SEMA3C: variants seen among roughly 807,000 people sequenced by gnomAD.
The protein encoded by SEMA3C is semaphorin 3C.
SEMA3C carries 47 observed loss-of-function variants against 89.4 expected under a neutral mutation model. That is an observed-to-expected ratio of 0.53 (90% CI 0.42 to 0.67). The LOEUF is 0.67. Ranked by LOEUF, SEMA3C falls within the 30% of genes least tolerant of loss-of-function variation. The pLI, the probability that SEMA3C is intolerant of heterozygous loss-of-function variation, is 0.00. For synonymous variants in SEMA3C, 310 were observed against 320.2 expected (o/e 0.97, Z 0.34); for missense variants, 839 against 929.1 (o/e 0.90, Z 1.26).
chr7:80,789,645 G>T, intron 11 of SEMA3C, 117 bp from the exon 12 acceptor site: 1 of 672,186 alleles, frequency 1.5e-6, no homozygotes, highest in Non-Finnish European at 2.5e-6. Context: ...AAGTATATCT[G>T]CTACCTATGG....
intron 2 of SEMA3C, among the ~76,000 whole-genome samples, chr7:80,873,333 T>A (rs1378068056): frequency 6.6e-6 from 1 of 152,188 alleles, no homozygotes; most frequent in Non-Finnish European, 1.5e-5. Context: ...AATCTGGACA[T>A]CTGTCTTGCA....
chr7:80,765,139 G>A lies in SEMA3C; in HGVS notation c.1443+16C>T, dbSNP rs1368136161. ...CATCATGCATGTTCTGAGATTAATA[G>A]AAGAGATGTTCAAACCTTAAAGACT... On this transcript the variant is annotated intron_variant, in intron 13 of 17. Coordinates refer to ENST00000265361, the MANE Select transcript of SEMA3C (RefSeq NM_006379.5). The A allele has an allele frequency of 6.3e-7, 1 of 1,578,124 alleles. No homozygotes were observed. Among genetic ancestry groups the A allele is most frequent in the Admixed American group, 1.7e-5 (1 of 58,928 alleles).
At chr7:80,861,648 T>C (rs1790773913) in intron 2 of SEMA3C, among the ~76,000 whole-genome samples, 1 of 152,192 alleles carries the variant, frequency 6.6e-6, no homozygotes, top group African/African-American at 2.4e-5. Context: ...GCAACTATGA[T>C]TTAAATTGCA....
At chr7:80,896,161 A>G (rs1262352989) in intron 2 of SEMA3C, among the ~76,000 whole-genome samples, 2 of 152,148 alleles carry the variant, frequency 1.3e-5, no homozygotes. Flanking sequence ...GATTTCCCCA[A>G]AATAATCAAT....
Position 80,810,596 on chromosome 7 carries a change from T to G in SEMA3C, c.538+15A>C. On this transcript the variant is annotated intron_variant, in intron 6 of 17. Coordinates refer to ENST00000265361, the MANE Select transcript of SEMA3C (RefSeq NM_006379.5). ...TATTTTATGTTTAATCCTCCCTCTTTCGTTGTCTACTTACTGATCATAACA... is the reference window on the plus strand; with the variant it reads ...TATTTTATGTTTAATCCTCCCTCTTGCGTTGTCTACTTACTGATCATAACA... 1.2e-6 allele frequency: 2 copies of G among 1,604,602 alleles called. No homozygotes were observed. Among genetic ancestry groups the G allele is most frequent in the Non-Finnish European group, 1.7e-6 (2 of 1,172,374 alleles).
chr7:80,836,200 G>A (rs1195565689), intron 2 of SEMA3C, among the ~76,000 whole-genome samples: 2 of 152,160 alleles, frequency 1.3e-5, no homozygotes, highest in African/African-American at 4.8e-5. Context: ...AAAGGTGTGA[G>A]AGGCAGCATG....
chr7:80,796,074 T>G (rs527385572), intron 11 of SEMA3C, among the ~76,000 whole-genome samples: 12 of 152,274 alleles, frequency 7.9e-5, no homozygotes, highest in Non-Finnish European at 1.6e-4. Flanking sequence ...AACAGAATTT[T>G]GTTTAGTTTG....
intron 8 of SEMA3C, among the ~76,000 whole-genome samples, chr7:80,803,205 C>T (rs1455080698): frequency 6.6e-6 from 1 of 151,998 alleles, no homozygotes; most frequent in East Asian, 1.9e-4. Flanking sequence ...ACAAAATGGT[C>T]CCCAACAGTT....
chr7:80,872,537 C>T (rs1791086940), intron 2 of SEMA3C, among the ~76,000 whole-genome samples: 1 of 151,980 alleles, frequency 6.6e-6, no homozygotes, highest in Admixed American at 6.6e-5. Flanking sequence ...GGCGTGGTGG[C>T]TTACGCCTGT....
intron 13 of SEMA3C, among the ~76,000 whole-genome samples, chr7:80,763,451 CAG>C (rs757625818): frequency 1.2e-4 from 19 of 152,176 alleles, no homozygotes; most frequent in Non-Finnish European, 2.4e-4. Context: ...TAAGAAAACT[CAG>C]ACTTTTTTTG....
At chr7:80,818,674 C>G (rs1166234087) in intron 4 of SEMA3C, among the ~76,000 whole-genome samples, 1 of 151,976 alleles carries the variant, frequency 6.6e-6, no homozygotes, top group Non-Finnish European at 1.5e-5. Flanking sequence ...AATAAAAATC[C>G]CCCCAAAAAT....
At chr7:80,862,661 T>C (rs761699639) in intron 2 of SEMA3C, among the ~76,000 whole-genome samples, 3 of 151,860 alleles carry the variant, frequency 2.0e-5, no homozygotes, top group East Asian at 1.9e-4. Context: ...AAAGAACAAA[T>C]CTTGAGGAAT....
intron 2 of SEMA3C, among the ~76,000 whole-genome samples, chr7:80,881,861 G>T (rs1299461770): frequency 6.6e-6 from 1 of 152,144 alleles, no homozygotes; most frequent in Non-Finnish European, 1.5e-5. Flanking sequence ...CTTGCTGAGT[G>T]TCATAAAAGG....
intron 2 of SEMA3C, chr7:80,905,982 C>T (rs1792005806): frequency 2.1e-6 from 2 of 966,712 alleles, no homozygotes; most frequent in Non-Finnish European, 2.9e-6. Context: ...ATAATAAAAC[C>T]TCTTTGTAAG....
intron 17 of SEMA3C, among the ~76,000 whole-genome samples, chr7:80,747,867 G>A (rs139557848): frequency 4.6e-5 from 7 of 152,198 alleles, no homozygotes; most frequent in African/African-American, 1.7e-4. Context: ...TTCCAGTAAT[G>A]AGGGACACAC....
chr7:80,838,168 G>T (rs559584609), intron 2 of SEMA3C, among the ~76,000 whole-genome samples: 2 of 152,008 alleles, frequency 1.3e-5, no homozygotes, highest in Non-Finnish European at 2.9e-5. Context: ...GCTGGGGAAG[G>T]CAAAAGGCTT....
intron 2 of SEMA3C, among the ~76,000 whole-genome samples, chr7:80,875,836 G>A (rs540986030): frequency 6.6e-5 from 10 of 151,674 alleles, no homozygotes; most frequent in South Asian, 6.2e-4. Context: ...CTTCTTACAC[G>A]TGAAAAGGTG....
chr7:80,843,812 A>C lies in SEMA3C; in HGVS notation c.104-15067T>G, dbSNP rs142866540. On this transcript the variant is annotated intron_variant, in intron 2 of 17. Coordinates refer to ENST00000265361, the MANE Select transcript of SEMA3C (RefSeq NM_006379.5). Reference sequence around the variant, plus strand: ...ACCATTATGATATCTCAAGATTCTAAGAAAAATAATTTTTATTACAACACA... The same window carrying C: ...ACCATTATGATATCTCAAGATTCTACGAAAAATAATTTTTATTACAACACA... 5.9e-3 allele frequency among the ~76,000 whole-genome samples: 900 copies of C among 152,294 alleles called. 15 individuals are homozygous for C. Among genetic ancestry groups the C allele is most frequent in the Non-Finnish European group, 6.5e-3 (439 of 68,020 alleles).
chr7:80,888,456 C>A (rs1273712311), intron 2 of SEMA3C, among the ~76,000 whole-genome samples: 5 of 151,938 alleles, frequency 3.3e-5, no homozygotes, highest in African/African-American at 7.3e-5. Flanking sequence ...GGGAGTGAGA[C>A]CCTGTCTAAA....
Sources: allele counts gnomAD v4.1 joint callset (sites outside exome capture counted in the v4.1 genomes callset), GRCh38; gene constraint gnomAD v4.1.1; transcripts MANE v1.5; gene names NCBI Gene and HGNC (gene_info 2026-07-23, HGNC 2026-07-21).